The following MMP16 variants were observed in gnomAD, a reference collection of about 807,000 sequenced individuals.
MMP16 encodes matrix metalloproteinase-16.
In MMP16, 12 loss-of-function variants were observed where a neutral mutation model predicts 67.8. That is an observed-to-expected ratio of 0.18 (90% CI 0.11 to 0.29). The LOEUF is 0.29. Among genes scored for constraint, MMP16 ranks in the 10% least tolerant of loss-of-function variants. MMP16 has a pLI of 1.00. For missense variants in MMP16, 475 were observed against 765.7 expected (o/e 0.62, Z 4.48); for synonymous variants, 249 against 255.9 (o/e 0.97, Z 0.26).
chr8:88,147,779 G>C (rs1329074098), intron 4 of MMP16, among the ~76,000 whole-genome samples: 1 of 148,156 alleles, frequency 6.7e-6, no homozygotes, highest in South Asian at 2.1e-4. Context: ...ATATGTGTTT[G>C]TGTGTGTGTG....
intron 4 of MMP16, among the ~76,000 whole-genome samples, chr8:88,165,726 G>A (rs1168063082): frequency 1.3e-5 from 2 of 152,030 alleles, no homozygotes; most frequent in African/African-American, 2.4e-5. Flanking sequence ...TATAGAGTAC[G>A]TTAAACATGC....
chr8:88,053,302 C>A (rs1808292321), intron 8 of MMP16, among the ~76,000 whole-genome samples: 1 of 152,118 alleles, frequency 6.6e-6, no homozygotes, highest in African/African-American at 2.4e-5. Context: ...TAAAGATGTG[C>A]TGTGTTTGCC....
chr8:88,281,068 A>G (rs1456784361), intron 1 of MMP16, among the ~76,000 whole-genome samples: 3 of 152,198 alleles, frequency 2.0e-5, no homozygotes, highest in Admixed American at 2.0e-4. Flanking sequence ...GAAAGTCATA[A>G]ACACAGCAAA....
chr8:88,073,629 T>C (rs904805211), intron 7 of MMP16, among the ~76,000 whole-genome samples: 3 of 152,182 alleles, frequency 2.0e-5, no homozygotes, highest in African/African-American at 7.2e-5. Flanking sequence ...TCATTTGATA[T>C]AGGTAGTTTG....
At chr8:88,211,010 T>C (rs1056801782) in intron 1 of MMP16, among the ~76,000 whole-genome samples, 7 of 152,176 alleles carry the variant, frequency 4.6e-5, no homozygotes, top group Non-Finnish European at 8.8e-5. Flanking sequence ...GTTAATCAAC[T>C]TGCCCAGGGC....
chr8:88,088,285 A>G (rs1341744050), intron 6 of MMP16, among the ~76,000 whole-genome samples: 1 of 151,596 alleles, frequency 6.6e-6, no homozygotes, highest in Non-Finnish European at 1.5e-5. Flanking sequence ...AGAGAAAAGA[A>G]ATAGTCAATA....
At chr8:88,200,343 C>T (rs1809323139) in intron 1 of MMP16, among the ~76,000 whole-genome samples, 1 of 151,990 alleles carries the variant, frequency 6.6e-6, no homozygotes, top group Admixed American at 6.6e-5. Flanking sequence ...TATCAAGGGA[C>T]AAACAAGTTC....
chr8:88,155,199 A>T (rs1188055662), intron 4 of MMP16, among the ~76,000 whole-genome samples: 1 of 152,216 alleles, frequency 6.6e-6, no homozygotes, highest in African/African-American at 2.4e-5. Flanking sequence ...AGGACACATG[A>T]TTTCTAAAAC....
chr8:88,240,336 T>C (rs184240496), intron 1 of MMP16, among the ~76,000 whole-genome samples: 13 of 152,038 alleles, frequency 8.6e-5, no homozygotes, highest in Non-Finnish European at 1.9e-4. Flanking sequence ...GAGAATGTAG[T>C]GAAAAATGCC....
chr8:88,295,294 A>G (rs1011088528), intron 1 of MMP16, among the ~76,000 whole-genome samples: 2 of 152,204 alleles, frequency 1.3e-5, no homozygotes, highest in African/African-American at 4.8e-5. Context: ...TTTTCCATCA[A>G]TAACAAATAC....
chr8:88,073,628 A>G (rs1586136256), intron 7 of MMP16, among the ~76,000 whole-genome samples: 1 of 152,286 alleles, frequency 6.6e-6, no homozygotes, highest in South Asian at 2.1e-4. Flanking sequence ...TTCATTTGAT[A>G]TAGGTAGTTT....
At chr8:88,179,590 CAA>C (rs1240097674) in intron 3 of MMP16, among the ~76,000 whole-genome samples, 2 of 151,984 alleles carry the variant, frequency 1.3e-5, no homozygotes, top group Admixed American at 6.6e-5. Context: ...ATTGATCTAA[CAA>C]TAACTTTTCA....
chr8:88,235,236 T>A (rs1475793909), intron 1 of MMP16, among the ~76,000 whole-genome samples: 1 of 151,742 alleles, frequency 6.6e-6, no homozygotes, highest in Non-Finnish European at 1.5e-5. Flanking sequence ...TACTAAAAGT[T>A]CAAAAATTAG....
rs560804826 is a variant in MMP16, at chr8:88,271,596, C to T, written c.132+55479G>A. Among the ~76,000 whole-genome samples the T allele has an allele frequency of 1.4e-4, 22 of 152,200 alleles. No individual in the cohort carries two copies. In the South Asian group the frequency reaches 2.5e-3, roughly 17 times the overall value. ...GCAACCTCCGCCTCCCGGGTTCAAG[C>T]GATTCTCCTGCCGCAGCCTCCTGAG... is the stretch of plus-strand genomic sequence containing the variant. On this transcript the variant is annotated intron_variant, in intron 1 of 9. Coordinates refer to ENST00000286614, the MANE Select transcript of MMP16 (RefSeq NM_005941.5).
intron 1 of MMP16, among the ~76,000 whole-genome samples, chr8:88,319,099 C>CA (rs1306009441): frequency 7.2e-5 from 11 of 152,106 alleles, no homozygotes; most frequent in Non-Finnish European, 1.5e-4. Flanking sequence ...ACTACTTAAG[C>CA]AATTTGCTTG....
chr8:88,122,609 T>C (rs186424996), intron 4 of MMP16, among the ~76,000 whole-genome samples: 25 of 152,042 alleles, frequency 1.6e-4, no homozygotes, highest in African/African-American at 5.5e-4. Context: ...ATGTGATTAG[T>C]AGAAATTTCT....
intron 5 of MMP16, among the ~76,000 whole-genome samples, chr8:88,117,201 T>C (rs1809451182): frequency 6.6e-6 from 1 of 152,202 alleles, no homozygotes; most frequent in Admixed American, 6.5e-5. Context: ...CAAAACTATT[T>C]GATATTCTTT....
At chr8:88,214,664 A>G (rs1297299365) in intron 1 of MMP16, among the ~76,000 whole-genome samples, 3 of 152,214 alleles carry the variant, frequency 2.0e-5, no homozygotes, top group Non-Finnish European at 4.4e-5. Context: ...TTACTCTCTG[A>G]GCAATTTCCA....
chr8:88,092,267 A>G (rs899320689), intron 6 of MMP16, among the ~76,000 whole-genome samples: 15 of 151,836 alleles, frequency 9.9e-5, no homozygotes, highest in African/African-American at 3.4e-4. Context: ...TTAGAATCTG[A>G]TGAAAAACGT....
Sources: allele counts gnomAD v4.1 joint callset (sites outside exome capture counted in the v4.1 genomes callset), GRCh38; gene constraint gnomAD v4.1.1; transcripts MANE v1.5; gene names NCBI Gene and HGNC (gene_info 2026-07-23, HGNC 2026-07-21).